The following MAN2A1 variants were observed in gnomAD, a reference collection of about 807,000 sequenced individuals.
MAN2A1 encodes the protein mannosidase alpha class 2A member 1.
MAN2A1 carries 76 observed loss-of-function variants against 142.6 expected under a neutral mutation model. The ratio of observed to expected loss-of-function variants is 0.53; its 90% CI spans 0.44 to 0.65. MAN2A1 has a LOEUF of 0.65. Among genes scored for constraint, MAN2A1 ranks in the 30% least tolerant of loss-of-function variants. MAN2A1 has a pLI of 0.00. For missense variants in MAN2A1, 1,311 were observed against 1,365.1 expected, an observed-to-expected ratio of 0.96 and a Z score of 0.62; for synonymous variants, 559 against 473.2, an observed-to-expected ratio of 1.18 and a Z score of -2.35.
At chr5:109,798,590 G>C (rs1981815) in intron 12 of MAN2A1, among the ~76,000 whole-genome samples, 66,059 of 152,042 alleles carry the variant, frequency 0.43, 15,329 homozygotes, top group African/African-American at 0.6. Flanking sequence ...AAATTATGGG[G>C]CTACCCTGAT....
rs74343865 is a variant in MAN2A1 at position 109,767,550 on chromosome 5, C to A, written c.851C>A (p.Ser284Tyr). The A allele has an allele frequency of 1.3e-5, 21 of 1,612,060 alleles. No individual in the cohort carries two copies. Among genetic ancestry groups the A allele is most frequent in the Non-Finnish European group, 1.5e-5 (18 of 1,179,274 alleles). The change falls in exon 6 of 22, where the codon TCC (serine) becomes TAC (tyrosine). Residue 284 changes from serine (S) to tyrosine (Y), a missense_variant. By Grantham distance (144) the Ser-to-Tyr change is moderately radical. Coordinates refer to ENST00000261483, the MANE Select transcript of MAN2A1 (RefSeq NM_002372.4). Reference protein sequence around the residue: ...LENNIGVKPRSGWAIDPFGHS... With the variant: ...LENNIGVKPRYGWAIDPFGHS... ...TTATCCACAGGAGTGAAACCTCGGT[C>A]CGGCTGGGCTATTGATCCCTTTGGA...
intron 4 of MAN2A1, among the ~76,000 whole-genome samples, chr5:109,746,321 T>A (rs1752403741): frequency 6.6e-6 from 1 of 152,090 alleles, no homozygotes; most frequent in Non-Finnish European, 1.5e-5. Context: ...GTTATAGCAT[T>A]TATAGTTCAG....
At chr5:109,803,899 T>C (rs886902378) in intron 12 of MAN2A1, among the ~76,000 whole-genome samples, 8 of 152,114 alleles carry the variant, frequency 5.3e-5, no homozygotes, top group African/African-American at 1.9e-4. Flanking sequence ...TTTTAAAAAA[T>C]GATTTCTATT....
intron 16 of MAN2A1, among the ~76,000 whole-genome samples, chr5:109,833,004 G>A (rs184474192): frequency 5.9e-5 from 9 of 151,594 alleles, no homozygotes; most frequent in Middle Eastern, 3.4e-3. Context: ...GGTCACGGCC[G>A]GGCAGAGGCG....
chr5:109,809,156 G>A (rs151153281), intron 12 of MAN2A1, among the ~76,000 whole-genome samples: 149 of 152,100 alleles, frequency 9.8e-4, no homozygotes, highest in African/African-American at 3.5e-3. Flanking sequence ...CTAACAATAA[G>A]TATTGCTAAT....
chr5:109,755,561 C>T lies in MAN2A1; in HGVS notation c.835+105C>T, dbSNP rs1300905379. 3 of 834,412 alleles carry T rather than the reference C, an allele frequency of 3.6e-6. No individual in the cohort carries two copies. In the South Asian group the frequency reaches 5.7e-5, roughly 16 times the overall value. The allele number at this position is 834,412 out of a possible 1,614,324, so 51.7% of individuals were successfully genotyped here. A position where few individuals can be genotyped will look rare whatever the true frequency, so the allele number is the denominator to read the frequency against. Reference sequence around the variant, plus strand: ...TCGAGTAACTATTTTCCCTGTTAGTCATTATTGTTGAATAATTTATTCTTC... The same window carrying T: ...TCGAGTAACTATTTTCCCTGTTAGTTATTATTGTTGAATAATTTATTCTTC... On this transcript the variant is annotated intron_variant, in intron 5 of 21. Coordinates refer to ENST00000261483, the MANE Select transcript of MAN2A1 (RefSeq NM_002372.4).
chr5:109,693,816 C>A (rs1750739398), intron 1 of MAN2A1, among the ~76,000 whole-genome samples: 1 of 152,102 alleles, frequency 6.6e-6, no homozygotes, highest in Non-Finnish European at 1.5e-5. Context: ...CAACAGGGGG[C>A]CTAATCTGTT....
intron 12 of MAN2A1, among the ~76,000 whole-genome samples, chr5:109,792,792 T>C (rs952693909): frequency 2.6e-5 from 4 of 152,018 alleles, no homozygotes; most frequent in African/African-American, 9.7e-5. Flanking sequence ...CCCTGTTGGC[T>C]GAGGGTTCAG....
At chr5:109,784,975 G>A (rs201151684) in intron 10 of MAN2A1, 49 bp downstream of exon 10, 2 of 1,346,724 alleles carry the variant, frequency 1.5e-6, no homozygotes, top group Admixed American at 2.3e-5. Context: ...TTAAAATTAT[G>A]GGTAATAAGA....
chr5:109,717,194 GT>G (rs1027874467), intron 3 of MAN2A1, among the ~76,000 whole-genome samples: 1 of 151,914 alleles, frequency 6.6e-6, no homozygotes, highest in African/African-American at 2.4e-5. Flanking sequence ...TAATTTGAAG[GT>G]TTTTTTCTTT....
At chr5:109,739,795 G>C (rs1752215019) in intron 4 of MAN2A1, among the ~76,000 whole-genome samples, 1 of 152,172 alleles carries the variant, frequency 6.6e-6, no homozygotes, top group Non-Finnish European at 1.5e-5. Flanking sequence ...CTTTTGGGAA[G>C]TGGTCTCTCA....
chr5:109,751,759 C>T (rs1752554782), intron 4 of MAN2A1, among the ~76,000 whole-genome samples: 1 of 152,154 alleles, frequency 6.6e-6, no homozygotes, highest in Non-Finnish European at 1.5e-5. Context: ...CTGTTTCAGG[C>T]TAAATTCAGA....
At chr5:109,691,299 C>T (rs775905086) in intron 1 of MAN2A1, among the ~76,000 whole-genome samples, 2 of 152,154 alleles carry the variant, frequency 1.3e-5, no homozygotes, top group Admixed American at 6.5e-5. Context: ...ATAAGCAAAG[C>T]GGACACAGTC....
intron 3 of MAN2A1, 87 bp downstream of exon 3, chr5:109,716,351 C>G: frequency 9.1e-7 from 1 of 1,100,518 alleles, no homozygotes; most frequent in Non-Finnish European, 1.3e-6. Context: ...GAGGCCACTT[C>G]TCAAATTTTT....
At chr5:109,707,350 C>G (rs1751162810) in intron 1 of MAN2A1, among the ~76,000 whole-genome samples, 1 of 152,022 alleles carries the variant, frequency 6.6e-6, no homozygotes, top group African/African-American at 2.4e-5. Flanking sequence ...ACATTGAATA[C>G]TTAGAAAAAA....
At chr5:109,823,301 A>G (rs1754675739) in intron 15 of MAN2A1, among the ~76,000 whole-genome samples, 1 of 151,948 alleles carries the variant, frequency 6.6e-6, no homozygotes, top group Admixed American at 6.6e-5. Context: ...TGCTTAGATG[A>G]CTCCCTGTAG....
At chr5:109,855,554 G>C (rs766793591) in intron 20 of MAN2A1, among the ~76,000 whole-genome samples, 9 of 152,092 alleles carry the variant, frequency 5.9e-5, no homozygotes, top group Non-Finnish European at 1.5e-5. Flanking sequence ...TCTGTATGGC[G>C]AGCAGGTCAG....
chr5:109,750,877 T>A (rs1484789517), intron 4 of MAN2A1, among the ~76,000 whole-genome samples: 1 of 152,072 alleles, frequency 6.6e-6, no homozygotes, highest in Non-Finnish European at 1.5e-5. Flanking sequence ...TTGTACATAT[T>A]TATGGGGTAT....
chr5:109,693,914 C>CTAA (rs1214755765), intron 1 of MAN2A1, among the ~76,000 whole-genome samples: 4 of 152,164 alleles, frequency 2.6e-5, no homozygotes, highest in African/African-American at 9.7e-5. Flanking sequence ...TGGTCAGAGA[C>CTAA]TAATGTCTTG....
Sources: gnomAD v4.1 joint callset for allele counts (sites outside exome capture counted in the v4.1 genomes callset) on GRCh38, gnomAD v4.1.1 for gene constraint, MANE v1.5 for transcripts, NCBI Gene and HGNC (gene_info 2026-07-23, HGNC 2026-07-21) for gene names.